CFAP299: variants seen among roughly 807,000 people sequenced by gnomAD.
The protein encoded by CFAP299 is cilia and flagella associated protein 299.
A neutral mutation model predicts 27.0 loss-of-function variants in CFAP299; 21 were observed. That is an observed-to-expected ratio of 0.78 (90% CI 0.55 to 1.12). The LOEUF (loss-of-function observed/expected upper bound fraction) is 1.12, where lower values mean the gene tolerates loss of function less well. Among genes scored for constraint, CFAP299 ranks in the 50% most tolerant of loss-of-function variants. CFAP299 has a pLI of 0.00. For synonymous variants in CFAP299, 104 were observed against 98.1 expected, an observed-to-expected ratio of 1.06 and a Z score of -0.36; for missense variants, 310 against 276.6, an observed-to-expected ratio of 1.12 and a Z score of -0.86.
In CFAP299 at chr4:80,680,257, C is replaced by CAGTTT. The variant is rs372426937; in HGVS notation, c.333+97075_333+97079dup. Among the ~76,000 whole-genome samples the CAGTTT allele has an allele frequency of 2.4e-3, 363 of 152,240 alleles. 1 individual carries two copies. Among genetic ancestry groups the CAGTTT allele is most frequent in the African/African-American group, 8.3e-3 (345 of 41,558 alleles). ...TTAACCCCCTCCCTTTCATTGTCTA[C>CAGTTT]AGTTTCTTGACAGTAACAGTCAACC... On this transcript the variant is annotated intron_variant, in intron 3 of 5. Transcript: ENST00000358105.
chr4:80,395,467 C>T (rs933498675), intron 2 of CFAP299, among the ~76,000 whole-genome samples: 1 of 151,996 alleles, frequency 6.6e-6, no homozygotes, highest in Non-Finnish European at 1.5e-5. Flanking sequence ...GAGTGGTCAT[C>T]CTTTTCTTAT....
chr4:80,444,949 C>T (rs933659232), intron 2 of CFAP299, among the ~76,000 whole-genome samples: 5 of 152,124 alleles, frequency 3.3e-5, no homozygotes, highest in Non-Finnish European at 7.4e-5. Flanking sequence ...TCATTAGAGA[C>T]ATGCAAATCG....
intron 2 of CFAP299, among the ~76,000 whole-genome samples, chr4:80,563,309 T>C (rs963408596): frequency 6.6e-6 from 1 of 152,050 alleles, no homozygotes; most frequent in Non-Finnish European, 1.5e-5. Flanking sequence ...ACAAAACAAG[T>C]CTTAAAACAT....
chr4:80,427,526 T>A (rs1420668021), intron 2 of CFAP299, among the ~76,000 whole-genome samples: 1 of 152,224 alleles, frequency 6.6e-6, no homozygotes, highest in Non-Finnish European at 1.5e-5. Flanking sequence ...TTTCAATAAA[T>A]GACATGAATA....
intron 3 of CFAP299, among the ~76,000 whole-genome samples, chr4:80,844,041 A>G (rs1374231391): frequency 6.6e-6 from 1 of 152,050 alleles, no homozygotes; most frequent in South Asian, 2.1e-4. Flanking sequence ...GCTGAGAATG[A>G]TGGTTTCCAG....
At chr4:80,581,453 GATATATATATATATATAT>G (rs70944794) in intron 2 of CFAP299, among the ~76,000 whole-genome samples, 9 of 103,034 alleles carry the variant, frequency 8.7e-5, no homozygotes, top group African/African-American at 5.0e-4. Flanking sequence ...TATTAAGTGA[GATATATATATATATATAT>G]ATATATATAT....
intron 3 of CFAP299, among the ~76,000 whole-genome samples, chr4:80,739,061 G>A (rs895764510): frequency 9.2e-5 from 14 of 151,760 alleles, no homozygotes; most frequent in South Asian, 2.1e-4. Context: ...CTTTAGTTTC[G>A]TCCCCCTGCT....
the CFAP299 span, among the ~76,000 whole-genome samples, chr4:80,325,096 C>G: frequency 1.3e-5 from 2 of 152,214 alleles, no homozygotes; most frequent in Non-Finnish European, 2.9e-5. Context: ...GCACTGTAGC[C>G]TAGGTGACAG....
intron 5 of CFAP299, among the ~76,000 whole-genome samples, chr4:80,962,680 G>A (rs1738404256): frequency 6.6e-6 from 1 of 151,892 alleles, no homozygotes; most frequent in Non-Finnish European, 1.5e-5. Context: ...GTACCATATG[G>A]AAAAGGCAAT....
At chr4:80,919,164 A>G (rs1045300556) in intron 4 of CFAP299, among the ~76,000 whole-genome samples, 3 of 152,158 alleles carry the variant, frequency 2.0e-5, no homozygotes, top group Non-Finnish European at 4.4e-5. Flanking sequence ...ACACCCATTT[A>G]GTTCTAAATA....
chr4:80,873,327 C>T (rs182976166), intron 4 of CFAP299, among the ~76,000 whole-genome samples: 1 of 152,266 alleles, frequency 6.6e-6, no homozygotes, highest in Non-Finnish European at 1.5e-5. Flanking sequence ...TCTGGTCTTG[C>T]ATTTTTACTG....
chr4:80,664,596 T>A (rs552621173), intron 3 of CFAP299, among the ~76,000 whole-genome samples: 56 of 152,250 alleles, frequency 3.7e-4, no homozygotes, highest in Non-Finnish European at 2.5e-4. Context: ...AGCTCAAGCA[T>A]CCCAGGTTGA....
At chr4:80,371,530 T>G (rs1289502890) in intron 2 of CFAP299, among the ~76,000 whole-genome samples, 2 of 152,266 alleles carry the variant, frequency 1.3e-5, no homozygotes. Context: ...ATTATGTCTT[T>G]GCTCACACAT....
intron 5 of CFAP299, among the ~76,000 whole-genome samples, chr4:80,954,156 G>T (rs1357439872): frequency 6.6e-6 from 1 of 152,210 alleles, no homozygotes; most frequent in African/African-American, 2.4e-5. Flanking sequence ...TTAAAAACCT[G>T]ATAACTAATA....
At chr4:80,476,817 C>A (rs184447395) in intron 2 of CFAP299, among the ~76,000 whole-genome samples, 33 of 152,182 alleles carry the variant, frequency 2.2e-4, no homozygotes, top group Non-Finnish European at 4.3e-4. Flanking sequence ...CTCTGGAGCT[C>A]TTTTCTGGTC....
intron 4 of CFAP299, among the ~76,000 whole-genome samples, chr4:80,930,781 G>A (rs1242920015): frequency 2.6e-5 from 4 of 152,088 alleles, no homozygotes; most frequent in African/African-American, 7.2e-5. Flanking sequence ...TTTCTCAACA[G>A]CAGGCAATCC....
intron 3 of CFAP299, among the ~76,000 whole-genome samples, chr4:80,832,248 G>A (rs571107348): frequency 1.3e-5 from 2 of 152,188 alleles, no homozygotes; most frequent in East Asian, 1.9e-4. Flanking sequence ...ACATCCATAC[G>A]GTAGTCTGTG....
chr4:80,919,204 A>G (rs1313355027), intron 4 of CFAP299, among the ~76,000 whole-genome samples: 1 of 152,176 alleles, frequency 6.6e-6, no homozygotes, highest in Non-Finnish European at 1.5e-5. Context: ...CAAGTTGAGC[A>G]AATTACCAAA....
chr4:80,525,041 C>T (rs1430321246), intron 2 of CFAP299, among the ~76,000 whole-genome samples: 3 of 152,150 alleles, frequency 2.0e-5, no homozygotes, highest in Non-Finnish European at 4.4e-5. Flanking sequence ...ATCCTAGAGG[C>T]TGCCCACAGT....
Sources: gnomAD v4.1 joint callset for allele counts (sites outside exome capture counted in the v4.1 genomes callset) on GRCh38, gnomAD v4.1.1 for gene constraint, MANE v1.5 for transcripts, NCBI Gene and HGNC (gene_info 2026-07-23, HGNC 2026-07-21) for gene names.